Variants in CNGB3 observed in about 807,000 individuals in gnomAD.
CNGB3 encodes cyclic nucleotide-gated channel beta-3.
CNGB3 carries 86 observed loss-of-function variants against 92.8 expected under a neutral mutation model. That is an observed-to-expected ratio of 0.93 (90% CI 0.78 to 1.11). CNGB3 has a LOEUF of 1.11. Among genes scored for constraint, CNGB3 ranks in the 50% least tolerant of loss-of-function variants. CNGB3 has a pLI of 0.00. For synonymous variants in CNGB3, 333 were observed against 332.7 expected (o/e 1.00, Z -0.01); for missense variants, 1,026 against 956.8 (o/e 1.07, Z -0.95).
Position 86,668,173 on chromosome 8 carries a change from A to T in CNGB3, c.494-5T>A. On this transcript the variant is annotated splice_polypyrimidine_tract_variant and splice_region_variant and intron_variant, in intron 4 of 17. Coordinates refer to ENST00000320005, the MANE Select transcript of CNGB3 (RefSeq NM_019098.5). The stretch of plus-strand genomic sequence containing the variant: ...GTGGTACAGCCGTGGGCTTTGCTTC[A>T]TAGGGAAAAAAAAAAAGATGAAACA... 2 of 1,603,788 alleles carry T rather than the reference A, an allele frequency of 1.2e-6. No homozygotes were observed. Among genetic ancestry groups the T allele is most frequent in the Non-Finnish European group, 1.7e-6 (2 of 1,175,238 alleles).
At chr8:86,608,195 A>G (rs1323163251) in intron 14 of CNGB3, among the ~76,000 whole-genome samples, 1 of 152,256 alleles carries the variant, frequency 6.6e-6, no homozygotes, top group Admixed American at 6.5e-5. Context: ...TCTTTATTCC[A>G]ATATTATAAT....
rs1315480955 is a variant in CNGB3, at chr8:86,726,643, T to C, written c.226A>G (p.Lys76Glu). ...HTNIQDKLSKKNSSGDLTTNP... is the reference protein window; with the variant it reads ...HTNIQDKLSKENSSGDLTTNP... Reference sequence around the variant, plus strand: ...GTGGTCAGATCTCCAGAGGAATTTTTCTTGGAGAGTTTGTCTATGAAAAAA... The same window carrying C: ...GTGGTCAGATCTCCAGAGGAATTTTCCTTGGAGAGTTTGTCTATGAAAAAA... Residue 76 changes from lysine to glutamate, a missense_variant, in exon 3 of 18, where the codon AAA becomes GAA. Lys to Glu is a moderately conservative substitution (Grantham distance 56). Transcript: ENST00000320005. 4 of 1,613,654 alleles carry C rather than the reference T, an allele frequency of 2.5e-6. No homozygotes were observed. The African/African-American group carries it at 5.3e-5, about 22-fold the overall frequency.
chr8:86,678,150 G>A (rs1349987152), intron 3 of CNGB3, among the ~76,000 whole-genome samples: 1 of 151,912 alleles, frequency 6.6e-6, no homozygotes, highest in Non-Finnish European at 1.5e-5. Flanking sequence ...CCATGTTTAG[G>A]CAATAATTAA....
intron 15 of CNGB3, among the ~76,000 whole-genome samples, chr8:86,581,365 G>A (rs1821761227): frequency 1.3e-5 from 2 of 152,132 alleles, no homozygotes; most frequent in African/African-American, 2.4e-5. Flanking sequence ...TGGGGGCCAT[G>A]GTTATAAAGT....
chr8:86,594,279 C>T (rs145090856), intron 15 of CNGB3: 222 of 267,780 alleles, frequency 8.3e-4, no homozygotes, highest in African/African-American at 5.0e-3. Context: ...ATGCCCTCCG[C>T]CATCTGGAAG....
intron 6 of CNGB3, chr8:86,657,880 G>T (rs1470120778): frequency 2.0e-5 from 11 of 541,318 alleles, no homozygotes; most frequent in Non-Finnish European, 1.1e-5. Context: ...CCTGCGGGAG[G>T]ACAGGGTTCA....
chr8:86,667,214 G>A (rs527973751), intron 5 of CNGB3, 81 bp from the exon 6 acceptor site: 2 of 1,200,904 alleles, frequency 1.7e-6, no homozygotes, highest in East Asian at 4.9e-5. Flanking sequence ...TGGGGAGGTT[G>A]GGGCACTACC....
chr8:86,626,682 A>G (rs548535087), intron 12 of CNGB3, among the ~76,000 whole-genome samples: 3 of 152,340 alleles, frequency 2.0e-5, no homozygotes, highest in African/African-American at 7.2e-5. Context: ...TGGAATCTAA[A>G]GAAAAAATGT....
chr8:86,606,155 T>C (rs1207209405), intron 14 of CNGB3, among the ~76,000 whole-genome samples: 1 of 148,682 alleles, frequency 6.7e-6, no homozygotes, highest in African/African-American at 2.5e-5. Context: ...GGTTTTTTTT[T>C]TTTTTTTTTT....
At chr8:86,603,073 T>C (rs1822340179) in intron 15 of CNGB3, among the ~76,000 whole-genome samples, 1 of 152,188 alleles carries the variant, frequency 6.6e-6, no homozygotes, top group Non-Finnish European at 1.5e-5. Flanking sequence ...TCCTTTTCTC[T>C]TTCAAATCTC....
intron 13 of CNGB3, among the ~76,000 whole-genome samples, chr8:86,621,622 T>C (rs1316803216): frequency 1.3e-5 from 2 of 152,182 alleles, no homozygotes; most frequent in African/African-American, 4.8e-5. Context: ...TGTAGGCTTT[T>C]ATCCTTCACC....
At chr8:86,627,810 A>T (rs1822877484) in intron 12 of CNGB3, among the ~76,000 whole-genome samples, 1 of 152,172 alleles carries the variant, frequency 6.6e-6, no homozygotes. Flanking sequence ...CTATTAGTAC[A>T]GTTGACCCTT....
chr8:86,696,987 A>G (rs563948969), intron 3 of CNGB3, among the ~76,000 whole-genome samples: 86 of 152,358 alleles, frequency 5.6e-4, no homozygotes, highest in Non-Finnish European at 1.0e-3. Flanking sequence ...ATGCAAAAAA[A>G]TGAATTAAAA....
intron 7 of CNGB3, among the ~76,000 whole-genome samples, chr8:86,653,475 A>G (rs1413679918): frequency 6.6e-6 from 1 of 152,118 alleles, no homozygotes; most frequent in Admixed American, 6.6e-5. Context: ...GTTCACTCCA[A>G]TTGGGTAAAC....
intron 8 of CNGB3, among the ~76,000 whole-genome samples, chr8:86,646,267 C>T (rs953024148): frequency 1.3e-5 from 2 of 151,120 alleles, no homozygotes; most frequent in Non-Finnish European, 3.0e-5. Context: ...CATTTATTCT[C>T]ACATTCCATG....
chr8:86,724,743 C>T (rs1437834929), intron 3 of CNGB3, among the ~76,000 whole-genome samples: 1 of 151,954 alleles, frequency 6.6e-6, no homozygotes, highest in Non-Finnish European at 1.5e-5. Context: ...ATATTGTTAT[C>T]TGAAGAATGA....
In CNGB3 at chr8:86,667,039, G is replaced by A. The variant is rs781628736; in HGVS notation, c.738C>T (p.Thr246=). 26 of 1,613,850 alleles carry A rather than the reference G, an allele frequency of 1.6e-5. 2 individuals carry two copies. Among genetic ancestry groups the A allele is most frequent in the Middle Eastern group, 1.6e-4 (1 of 6,064 alleles). Residue 246 remains threonine, a synonymous_variant, in exon 6 of 18, where the codon ACC becomes ACT. Coordinates refer to ENST00000320005, the MANE Select transcript of CNGB3 (RefSeq NM_019098.5). ...TAAGCCAGTAGTGTATGTTGTCTGC[G>A]GTTTGATATGGGAAGACGAGGCGCA... The part of the protein sequence containing the change: ...IPLRLVFPYQ[T]ADNIHYWLIA...
chr8:86,576,410 A>G (rs896957434), intron 17 of CNGB3, among the ~76,000 whole-genome samples: 1 of 152,174 alleles, frequency 6.6e-6, no homozygotes, highest in African/African-American at 2.4e-5. Context: ...TACTCTCTGA[A>G]TTATTAGACT....
Position 86,644,223 on chromosome 8 carries a change from C to T in CNGB3, c.1056-350G>A, listed in dbSNP as rs184461657. Among the ~76,000 whole-genome samples the T allele has an allele frequency of 5.9e-5, 9 of 151,442 alleles. No individual in the cohort carries two copies. The East Asian group carries it at 1.5e-3, about 26-fold the overall frequency. The stretch of plus-strand genomic sequence containing the variant: ...TTTAACTGGATATCTCTGAAAAGCT[C>T]ATGAGACTTTATGCTACGATGAATG... On this transcript the variant is annotated intron_variant, in intron 9 of 17. Coordinates refer to ENST00000320005, the MANE Select transcript of CNGB3 (RefSeq NM_019098.5).
Sources: allele counts gnomAD v4.1 joint callset (sites outside exome capture counted in the v4.1 genomes callset), GRCh38; gene constraint gnomAD v4.1.1; transcripts MANE v1.5; gene names NCBI Gene and HGNC (gene_info 2026-07-23, HGNC 2026-07-21).